INPP1: variants seen among roughly 807,000 people sequenced by gnomAD.
INPP1 encodes inositol polyphosphate 1-phosphatase.
INPP1 carries 18 observed loss-of-function variants against 23.0 expected under a neutral mutation model. The observed-to-expected ratio is 0.78, with a 90% confidence interval of 0.54 to 1.16. INPP1 has a LOEUF of 1.16. Ranked by LOEUF, INPP1 falls within the 50% of genes most tolerant of loss-of-function variation. The pLI, the probability that INPP1 is intolerant of heterozygous loss-of-function variation, is 0.00. For missense variants in INPP1, 448 were observed against 482.1 expected (o/e 0.93, Z 0.66); for synonymous variants, 164 against 176.3 (o/e 0.93, Z 0.55).
intron 1 of INPP1, 111 bp from the exon 2 acceptor site, chr2:190,348,777 T>TA (rs2124914399): frequency 6.6e-6 from 1 of 152,336 alleles, no homozygotes; most frequent in East Asian, 1.9e-4. Context: ...GAAGTAGATA[T>TA]AAAAAACAGA....
At chr2:190,344,270 G>T (rs1258804624) in intron 1 of INPP1, 1 of 153,542 alleles carries the variant, frequency 6.5e-6, no homozygotes, top group Admixed American at 6.5e-5. Context: ...TGGGGTTGGG[G>T]GGCGGGAAGA....
intron 2 of INPP1, among the ~76,000 whole-genome samples, chr2:190,357,667 C>T (rs1351368899): frequency 6.6e-6 from 1 of 152,182 alleles, no homozygotes; most frequent in African/African-American, 2.4e-5. Context: ...TAACTCAACT[C>T]TGATTGCCTT....
Position 190,371,173 on chromosome 2 carries a change from T to G in INPP1, c.971T>G (p.Leu324Arg). The G allele has an allele frequency of 6.2e-7, 1 of 1,614,170 alleles. No individual in the cohort carries two copies. Among genetic ancestry groups the G allele is most frequent in the East Asian group, 2.2e-5 (1 of 44,888 alleles). The change falls in exon 7 of 7, where the codon CTG becomes CGG. Residue 324 changes from leucine to arginine, a missense_variant. Leu to Arg is a moderately radical substitution (Grantham distance 102). Coordinates refer to ENST00000392329, the MANE Select transcript of INPP1 (RefSeq NM_001128928.2). This position sits in a 1 kb window ranked among gnomAD's most constrained non-coding sequence, Gnocchi z 5.3. Reference protein sequence around the residue: ...KWDSCAAHAILRAMGGGIVDL... With the variant: ...KWDSCAAHAIRRAMGGGIVDL... ...GACTCTTGTGCTGCTCATGCCATAC[T>G]GAGGGCCATGGGTGGGGGAATAGTA...
intron 4 of INPP1, among the ~76,000 whole-genome samples, chr2:190,365,460 G>A (rs1436032723): frequency 6.6e-6 from 1 of 152,188 alleles, no homozygotes; most frequent in Non-Finnish European, 1.5e-5. Flanking sequence ...CACGGACAGG[G>A]TGACTTAAGT....
At position 190,362,697 on chromosome 2, in the gene INPP1, AGAATCTTAAT is replaced by A. The variant is rs1400147757; in HGVS notation, c.265+12_265+21del. 1 of 1,534,040 alleles carries A rather than the reference AGAATCTTAAT, an allele frequency of 6.5e-7. No homozygotes were observed. The highest frequency in any genetic ancestry group is 9.0e-7 in the Non-Finnish European group (1 of 1,113,082). On this transcript the variant is annotated intron_variant, in intron 4 of 6. Transcript: ENST00000392329. ...TTTACTAATGACTGGGGTAAGTATA[AGAATCTTAAT>A]GTGTCTTTGTAATTTAATTATCATA...
In INPP1 at chr2:190,369,216, G is replaced by A. The variant is rs771754946; in HGVS notation, c.580G>A (p.Gly194Arg). The change falls in exon 6 of 7, where the codon GGG becomes AGG. Residue 194 changes from glycine to arginine, a missense_variant. Coordinates refer to ENST00000392329, the MANE Select transcript of INPP1 (RefSeq NM_001128928.2). Reference sequence around the variant, plus strand: ...AATTGGTGTCTATGACATACAGACAGGGGTTCCCCTGATGGGAGTCATCAA... The same window carrying A: ...AATTGGTGTCTATGACATACAGACAAGGGTTCCCCTGATGGGAGTCATCAA... Reference protein sequence around the residue: ...ILIGVYDIQTGVPLMGVINQP... With the variant: ...ILIGVYDIQTRVPLMGVINQP... The A allele has an allele frequency of 1.5e-5, 24 of 1,606,342 alleles. No individual in the cohort carries two copies. Among genetic ancestry groups the A allele is most frequent in the Admixed American group, 1.3e-4 (8 of 59,890 alleles).
intron 1 of INPP1, among the ~76,000 whole-genome samples, chr2:190,347,161 G>A (rs997032619): frequency 2.6e-5 from 4 of 151,648 alleles, no homozygotes; most frequent in Non-Finnish European, 2.9e-5. Flanking sequence ...ACAGGTGCCC[G>A]CTACCACACC....
chr2:190,351,442 C>T (rs1377763613), intron 2 of INPP1, among the ~76,000 whole-genome samples: 1 of 152,240 alleles, frequency 6.6e-6, no homozygotes, highest in East Asian at 1.9e-4. Flanking sequence ...ATATCCAGAA[C>T]ATTACCAGAG....
intron 4 of INPP1, chr2:190,364,991 G>A (rs1689616383): frequency 6.3e-6 from 1 of 159,448 alleles, no homozygotes; most frequent in South Asian, 2.0e-4. Context: ...TACCTAGATA[G>A]CTACTAGATA....
intron 4 of INPP1, among the ~76,000 whole-genome samples, chr2:190,366,045 CTT>C (rs1388118922): frequency 3.3e-5 from 3 of 90,862 alleles, no homozygotes; most frequent in Non-Finnish European, 6.4e-5. Flanking sequence ...CTGTCTCACT[CTT>C]TTGCTCTCTC....
rs1447119083 is a variant in INPP1 at position 190,352,917 on chromosome 2, T to G, written c.-65+3886T>G. On this transcript the variant is annotated intron_variant, in intron 2 of 6. Transcript: ENST00000392329. This position sits in a 1 kb window ranked among gnomAD's most constrained non-coding sequence, Gnocchi z 4.7. Reference sequence around the variant, plus strand: ...AGGCCCACCACGCAATAGCTTCAAATTGCCATTCCTCAGAAGATGAGAGCC... The same window carrying G: ...AGGCCCACCACGCAATAGCTTCAAAGTGCCATTCCTCAGAAGATGAGAGCC... Among the ~76,000 whole-genome samples the G allele has an allele frequency of 6.6e-6, 1 of 152,176 alleles. No individual in the cohort carries two copies. The highest frequency in any genetic ancestry group is 1.5e-5 in the Non-Finnish European group (1 of 68,036).
chr2:190,362,796 C>A (rs948315290), intron 4 of INPP1, 109 bp downstream of exon 4: 2 of 613,412 alleles, frequency 3.3e-6, no homozygotes, highest in South Asian at 3.2e-5. Flanking sequence ...CTGTAAACAA[C>A]ATAATATATT....
In INPP1 at chr2:190,345,245, T is replaced by C. The variant is rs1342815144; in HGVS notation, c.-209+1284T>C. Among the ~76,000 whole-genome samples, 1 of 152,228 alleles carries C rather than the reference T, an allele frequency of 6.6e-6. No homozygotes were observed. Among genetic ancestry groups the C allele is most frequent in the Non-Finnish European group, 1.5e-5 (1 of 68,048 alleles). ...TTTTTGTGTAGAATAAGCTACCACT[T>C]TTCAAGCTTTTGGACTAAACCACCG... On this transcript the variant is annotated intron_variant, in intron 1 of 6. Coordinates refer to ENST00000392329, the MANE Select transcript of INPP1 (RefSeq NM_001128928.2). This position sits in a 1 kb window ranked among gnomAD's most constrained non-coding sequence, Gnocchi z 4.9.
chr2:190,368,124 C>A lies in INPP1; in HGVS notation c.467-979C>A, dbSNP rs1036322937. On this transcript the variant is annotated intron_variant, in intron 5 of 6. Transcript: ENST00000392329. The surrounding 1 kb of genome is among the most constrained non-coding windows in gnomAD (Gnocchi z 4.3). ...AAAAACCTTTCCCCAAATCTTTGAT[C>A]ATTTAAGGGTAAATTGGCATCAGTT... is the stretch of plus-strand genomic sequence containing the variant. Among the ~76,000 whole-genome samples, 17 of 152,200 alleles carry A rather than the reference C, an allele frequency of 1.1e-4. No homozygotes were observed. Among genetic ancestry groups the A allele is most frequent in the African/African-American group, 3.9e-4 (16 of 41,450 alleles).
intron 1 of INPP1, among the ~76,000 whole-genome samples, chr2:190,347,007 CTT>C (rs1214998960): frequency 6.0e-5 from 7 of 116,024 alleles, no homozygotes; most frequent in Middle Eastern, 5.2e-3. Flanking sequence ...TTATTAGTAG[CTT>C]TTTTTTTTTT....
chr2:190,353,331 G>C (rs941128945), intron 2 of INPP1, among the ~76,000 whole-genome samples: 3 of 152,290 alleles, frequency 2.0e-5, no homozygotes, highest in Admixed American at 2.0e-4. Flanking sequence ...CCACCCAGAT[G>C]CCCAGAAACT....
At chr2:190,362,931 T>C (rs1395940731) in intron 4 of INPP1, 2 of 300,042 alleles carry the variant, frequency 6.7e-6, no homozygotes, top group Non-Finnish European at 1.2e-5. Context: ...ATCTGTGGCA[T>C]TTAAGTAACT....
intron 1 of INPP1, 195 bp downstream of exon 1, chr2:190,344,156 C>G (rs1374082472): frequency 6.0e-6 from 1 of 165,456 alleles, no homozygotes; most frequent in Non-Finnish European, 1.3e-5. Flanking sequence ...GCGAGGCCGC[C>G]CCCGGCCGGG....
chr2:190,365,948 TCTCA>T (rs1254477556), intron 4 of INPP1, among the ~76,000 whole-genome samples: 1 of 151,346 alleles, frequency 6.6e-6, no homozygotes, highest in African/African-American at 2.4e-5. Flanking sequence ...TCACTGTCTG[TCTCA>T]CTCTTTTGCT....
Sources: gnomAD v4.1 joint callset for allele counts (sites outside exome capture counted in the v4.1 genomes callset) on GRCh38, gnomAD v4.1.1 for gene constraint, Gnocchi (gnomAD v3.1) non-coding constraint, MANE v1.5 for transcripts, NCBI Gene and HGNC (gene_info 2026-07-23, HGNC 2026-07-21) for gene names.